FAM133A: variants seen among roughly 807,000 people sequenced by gnomAD.
The protein encoded by FAM133A is protein FAM133A.
For synonymous variants in FAM133A, 65 were observed against 58.6 expected, an observed-to-expected ratio of 1.11 and a Z score of -0.50; for missense variants, 159 against 164.4, an observed-to-expected ratio of 0.97 and a Z score of 0.18.
chrX:93,700,557 T>C (rs1251911347), intron 3 of FAM133A, among the ~76,000 whole-genome samples: 1 of 111,699 alleles, frequency 9.0e-6, no homozygotes, highest in Non-Finnish European at 1.9e-5. Flanking sequence ...GTTATGGAAA[T>C]ATAGTCCTTT....
chrX:93,688,346 T>G (rs1925675931), intron 2 of FAM133A, among the ~76,000 whole-genome samples: 1 of 111,228 alleles, frequency 9.0e-6, no homozygotes, highest in South Asian at 3.8e-4. Flanking sequence ...TTATCTTTTC[T>G]AAGACTTAGC....
At chrX:93,689,626 G>T (rs1925762331) in intron 2 of FAM133A, among the ~76,000 whole-genome samples, 1 of 109,445 alleles carries the variant, frequency 9.1e-6, no homozygotes, top group South Asian at 3.9e-4. Flanking sequence ...GTACTCCATG[G>T]TTATTTTTTA....
intron 3 of FAM133A, among the ~76,000 whole-genome samples, 184 bp downstream of exon 3, chrX:93,698,669 CTG>C (rs1926479572): frequency 8.9e-6 from 1 of 111,744 alleles, no homozygotes; most frequent in African/African-American, 3.2e-5. Context: ...TCAAGAGAGA[CTG>C]AGAGGAAAGG....
At chrX:93,704,516 A>G (rs1926918866) in intron 3 of FAM133A, among the ~76,000 whole-genome samples, 1 of 111,830 alleles carries the variant, frequency 8.9e-6, no homozygotes, top group South Asian at 3.7e-4. Flanking sequence ...AGCTACTTTG[A>G]AAAAGATGTT....
chrX:93,709,697 GA>G lies in FAM133A; in HGVS notation c.281del (p.Lys94ArgfsTer64). The part of the protein sequence containing the change: ...GNESSSKKRE[R>X]KKKRKKKSCR... ...GAGAGCTCATCTAAAAAAAGAGAAA[GA>G]AAGAAAAAGAGAAAGAAGAAATCTT... is the stretch of plus-strand genomic sequence containing the variant. On this transcript the variant is annotated frameshift_variant, in exon 4 of 4. Transcript: ENST00000683942. LOFTEE classifies it low-confidence loss of function (END_TRUNC). 3 of 1,194,878 alleles carry G rather than the reference GA, an allele frequency of 2.5e-6. No homozygotes were observed. Among genetic ancestry groups the G allele is most frequent in the Non-Finnish European group, 3.4e-6 (3 of 889,825 alleles).
intron 2 of FAM133A, among the ~76,000 whole-genome samples, chrX:93,696,440 T>TA (rs1926277107): frequency 9.0e-6 from 1 of 111,622 alleles, no homozygotes; most frequent in Admixed American, 9.5e-5. Context: ...ACGTGTCTCT[T>TA]ATGGAAGTGC....
At chrX:93,697,852 A>G (rs1029035778) in intron 2 of FAM133A, among the ~76,000 whole-genome samples, 2 of 111,798 alleles carry the variant, frequency 1.8e-5, no homozygotes, top group African/African-American at 6.5e-5. Flanking sequence ...AAGTTCAGGG[A>G]CACTGAGGAA....
In FAM133A at chrX:93,710,103, A is replaced by G; in HGVS notation, c.684A>G (p.Lys228=). 8.4e-7 allele frequency: 1 copy of G among 1,192,411 alleles called. No homozygotes were observed. The highest frequency in any genetic ancestry group is 3.0e-5 in the East Asian group (1 of 33,568). ...AAAAAGTAAAGAAGAAGAAGAAGAAACAGCACAAGAAACATAGTAAGAAGA... is the reference window on the plus strand; with the variant it reads ...AAAAAGTAAAGAAGAAGAAGAAGAAGCAGCACAAGAAACATAGTAAGAAGA... The part of the protein sequence containing the change: ...AKEKVKKKKK[K]QHKKHSKKKK... Residue 228 remains lysine (K), a synonymous_variant, in exon 4 of 4, where the codon AAA becomes AAG. Transcript: ENST00000683942.
At chrX:93,681,714 A>C (rs1474882144) in intron 2 of FAM133A, among the ~76,000 whole-genome samples, 1 of 112,058 alleles carries the variant, frequency 8.9e-6, no homozygotes, top group Non-Finnish European at 1.9e-5. Flanking sequence ...CAACTGTCTT[A>C]AAACAGGTGT....
chrX:93,703,407 A>G (rs1926847431), intron 3 of FAM133A, among the ~76,000 whole-genome samples: 1 of 110,966 alleles, frequency 9.0e-6, no homozygotes, highest in South Asian at 3.8e-4. Flanking sequence ...AATGGACATT[A>G]GTTAACAATA....
intron 2 of FAM133A, among the ~76,000 whole-genome samples, chrX:93,692,901 A>T (rs1602816631): frequency 1.8e-5 from 2 of 111,686 alleles, no homozygotes; most frequent in African/African-American, 6.5e-5. Context: ...ACAACATGTC[A>T]TGGAAATATA....
chrX:93,707,013 A>G (rs1232577434), intron 3 of FAM133A, among the ~76,000 whole-genome samples: 2 of 112,171 alleles, frequency 1.8e-5, no homozygotes, highest in Admixed American at 9.5e-5. Flanking sequence ...AGAGATTCCA[A>G]CCACCTTAGC....
chrX:93,711,661 A>G lies in FAM133A; in HGVS notation c.*1495A>G, dbSNP rs1444690499. On this transcript the variant is annotated 3_prime_UTR_variant, in exon 4 of 4. Coordinates refer to ENST00000683942, the MANE Select transcript of FAM133A (RefSeq NM_001171109.2). ...TCTCGGCTACCTTCAATCACAAGTA[A>G]AATTATAAAGATAAAAAACATCTAC... 1.6e-5 allele frequency: 2 copies of G among 122,468 alleles called. No homozygotes were observed. The highest frequency in any genetic ancestry group is 3.8e-5 in the Non-Finnish European group (2 of 53,094). The allele number at this position is 122,468 out of a possible 1,213,427, so 10.1% of individuals were successfully genotyped here. A position where few individuals can be genotyped will look rare whatever the true frequency, so the allele number is the denominator to read the frequency against.
chrX:93,677,428 G>A (rs1924792019), intron 2 of FAM133A, among the ~76,000 whole-genome samples: 2 of 111,275 alleles, frequency 1.8e-5, no homozygotes, highest in Admixed American at 9.5e-5. Flanking sequence ...GTTCTTCTTG[G>A]ACAAGTTGTA....
At chrX:93,680,772 C>T (rs1433214452) in intron 2 of FAM133A, among the ~76,000 whole-genome samples, 1 of 111,619 alleles carries the variant, frequency 9.0e-6, no homozygotes, top group Admixed American at 9.5e-5. Flanking sequence ...ATCTTTTACT[C>T]ATTTTAAAAA....
chrX:93,701,667 A>T, intron 3 of FAM133A, among the ~76,000 whole-genome samples: 1 of 111,911 alleles, frequency 8.9e-6, no homozygotes, highest in East Asian at 2.8e-4. Flanking sequence ...ACTAGTGAGT[A>T]TCCAAAACAT....
At chrX:93,697,048 A>G (rs1215799825) in intron 2 of FAM133A, among the ~76,000 whole-genome samples, 6 of 109,536 alleles carry the variant, frequency 5.5e-5, no homozygotes, top group Admixed American at 9.8e-5. Context: ...TTTAATGTGT[A>G]TAAGAATCAA....
intron 2 of FAM133A, among the ~76,000 whole-genome samples, chrX:93,688,139 T>G (rs954789727): frequency 1.8e-5 from 2 of 110,112 alleles, no homozygotes; most frequent in Non-Finnish European, 3.8e-5. Flanking sequence ...GATATACTGA[T>G]TTTTCTTTCT....
chrX:93,681,809 T>A (rs1312866944), intron 2 of FAM133A, among the ~76,000 whole-genome samples: 1 of 112,193 alleles, frequency 8.9e-6, no homozygotes, highest in Admixed American at 9.5e-5. Context: ...AGAATAAGCA[T>A]TTTTTTGTTT....
Sources: allele counts gnomAD v4.1 joint callset (sites outside exome capture counted in the v4.1 genomes callset), GRCh38; gene constraint gnomAD v4.1.1; transcripts MANE v1.5; gene names NCBI Gene and HGNC (gene_info 2026-07-23, HGNC 2026-07-21).